CELF4: variants seen among roughly 807,000 people sequenced by gnomAD.
CELF4 encodes CUG-BP- and ETR-3-like factor 4.
Under a neutral mutation model 59.9 loss-of-function variants are expected in CELF4, and 18 were observed. That is an observed-to-expected ratio of 0.30 (90% CI 0.21 to 0.45). CELF4 has a LOEUF of 0.45. Ranked by LOEUF, CELF4 falls within the 20% of genes least tolerant of loss-of-function variation. CELF4 has a pLI of 1.00. For missense variants in CELF4, 456 were observed against 689.0 expected (o/e 0.66, Z 3.79); for synonymous variants, 261 against 267.1 (o/e 0.98, Z 0.22).
chr18:37,497,010 G>C (rs1186461363), intron 1 of CELF4, among the ~76,000 whole-genome samples: 1 of 152,182 alleles, frequency 6.6e-6, no homozygotes, highest in Non-Finnish European at 1.5e-5. Context: ...AAGGGCTAGA[G>C]CTATTCCAAG....
intron 3 of CELF4, among the ~76,000 whole-genome samples, chr18:37,304,820 C>T (rs1390039221): frequency 2.6e-5 from 4 of 152,218 alleles, no homozygotes; most frequent in African/African-American, 9.6e-5. Flanking sequence ...TTCCATCAGC[C>T]CTGGGGTGGC....
chr18:37,298,618 C>G (rs4494625), intron 3 of CELF4, among the ~76,000 whole-genome samples: 82,828 of 151,592 alleles, frequency 0.55, 24,642 homozygotes, highest in African/African-American at 0.79. Flanking sequence ...CCAGCTACTC[C>G]GGAGGCTGAG....
intron 2 of CELF4, among the ~76,000 whole-genome samples, chr18:37,372,489 G>A (rs1158847576): frequency 1.3e-5 from 2 of 152,146 alleles, no homozygotes; most frequent in Admixed American, 6.5e-5. Context: ...CGTGGGATGG[G>A]GTGGAGGCGG....
At chr18:37,303,618 G>A (rs552862737) in intron 3 of CELF4, among the ~76,000 whole-genome samples, 12 of 152,118 alleles carry the variant, frequency 7.9e-5, no homozygotes, top group South Asian at 2.1e-4. Flanking sequence ...GAGGCAACAC[G>A]TCCTCCTTTT....
chr18:37,385,486 C>T (rs543552714), intron 2 of CELF4, among the ~76,000 whole-genome samples: 1 of 152,250 alleles, frequency 6.6e-6, no homozygotes, highest in Admixed American at 6.5e-5. Flanking sequence ...TAGTTTCTCC[C>T]CATCTTAGCT....
chr18:37,255,851 G>C (rs893736555), intron 11 of CELF4, among the ~76,000 whole-genome samples: 2 of 152,184 alleles, frequency 1.3e-5, no homozygotes. Context: ...AAGGGCTGGA[G>C]GAGCTGTCTA....
chr18:37,402,207 G>A (rs975279579), intron 2 of CELF4, among the ~76,000 whole-genome samples: 3 of 152,222 alleles, frequency 2.0e-5, no homozygotes, highest in Non-Finnish European at 4.4e-5. Context: ...GGATGAGCAG[G>A]GAGGCTGCTG....
Position 37,253,907 on chromosome 18 carries a change from C to A in CELF4, c.1365G>T (p.Ala455=), listed in dbSNP as rs1430685672. ...GFVSFDNPAS[A]QTAIQAMNGF... is the part of the protein sequence containing the mutation. ...CGTTCATGGCCTGGATGGCGGTCTG[C>A]GCGCTGGCCGGGTTGTCGAAGCTCA... is the stretch of plus-strand genomic sequence containing the variant. The change falls in exon 12 of 13, where the codon GCG becomes GCT. Residue 455 remains alanine, a synonymous_variant. Transcript: ENST00000420428. This position sits in a 1 kb window ranked among gnomAD's most constrained non-coding sequence, Gnocchi z 4.5. 3.7e-6 allele frequency: 6 copies of A among 1,607,312 alleles called. No homozygotes were observed. The highest frequency in any genetic ancestry group is 5.1e-6 in the Non-Finnish European group (6 of 1,177,218).
In CELF4 at chr18:37,505,502, G is replaced by A. The variant is rs974539247; in HGVS notation, c.287-19895C>T. Among the ~76,000 whole-genome samples the A allele has an allele frequency of 3.3e-5, 5 of 152,226 alleles. No homozygotes were observed. The East Asian group carries it at 9.7e-4, about 30-fold the overall frequency. ...CAGGCACAGTGGGCTTTTGGGAGCC[G>A]AAACGTCGGTGGGTCAGGGCCAGGT... On this transcript the variant is annotated intron_variant, in intron 1 of 12. Coordinates refer to ENST00000420428, the MANE Select transcript of CELF4 (RefSeq NM_020180.4).
At chr18:37,419,823 C>T (rs768088324) in intron 2 of CELF4, among the ~76,000 whole-genome samples, 2 of 152,230 alleles carry the variant, frequency 1.3e-5, no homozygotes, top group African/African-American at 2.4e-5. Flanking sequence ...GGGTTAACAG[C>T]CCATCTGCTC....
At chr18:37,336,177 A>G (rs2097764923) in intron 2 of CELF4, among the ~76,000 whole-genome samples, 1 of 152,176 alleles carries the variant, frequency 6.6e-6, no homozygotes, top group Non-Finnish European at 1.5e-5. Flanking sequence ...GAGGGCTCAC[A>G]GCCAGAATGC....
At chr18:37,485,687 G>A in intron 1 of CELF4, 80 bp from the exon 2 acceptor site, 1 of 895,642 alleles carries the variant, frequency 1.1e-6, no homozygotes, top group Non-Finnish European at 1.5e-6. Flanking sequence ...CCGCCCTCCA[G>A]GCTCCCGCCC....
At chr18:37,503,274 C>G (rs1038184126) in intron 1 of CELF4, among the ~76,000 whole-genome samples, 1 of 152,256 alleles carries the variant, frequency 6.6e-6, no homozygotes, top group Non-Finnish European at 1.5e-5. Context: ...CGCTCAGCCC[C>G]TGTTCCAGGA....
intron 2 of CELF4, among the ~76,000 whole-genome samples, chr18:37,329,899 C>T (rs1034247288): frequency 6.6e-6 from 1 of 152,148 alleles, no homozygotes; most frequent in Non-Finnish European, 1.5e-5. Context: ...TTTCTGGGTC[C>T]CCATCTTCAT....
chr18:37,527,883 A>G (rs1269283536), intron 1 of CELF4, among the ~76,000 whole-genome samples: 1 of 152,166 alleles, frequency 6.6e-6, no homozygotes, highest in Non-Finnish European at 1.5e-5. Context: ...AGGCTGTCCC[A>G]AGTTGCTCCT....
rs200868719 is a variant in CELF4, at chr18:37,274,330, T to C, written c.782A>G (p.Tyr261Cys). 43 of 1,612,864 alleles carry C rather than the reference T, an allele frequency of 2.7e-5. No homozygotes were observed. Among genetic ancestry groups the C allele is most frequent in the Non-Finnish European group, 3.4e-5 (40 of 1,179,712 alleles). ...ACTTACTGCCTGAGCGTAGGCGCCG[T>C]AGGCCCCGAAAGGGATGGCCATGGG... ...FNPMAIPFGA[Y>C]GAYAQALMQQ... The change falls in exon 6 of 13, where the codon TAC becomes TGC. Residue 261 changes from tyrosine (Y) to cysteine (C), a missense_variant. By Grantham distance (194) the Tyr-to-Cys change is radical. Coordinates refer to ENST00000420428, the MANE Select transcript of CELF4 (RefSeq NM_020180.4).
intron 2 of CELF4, among the ~76,000 whole-genome samples, chr18:37,374,903 C>T (rs914919544): frequency 2.6e-5 from 4 of 152,156 alleles, no homozygotes; most frequent in African/African-American, 9.7e-5. Flanking sequence ...TAGTTCAGGG[C>T]CAATACTGGG....
intron 1 of CELF4, among the ~76,000 whole-genome samples, chr18:37,557,235 GCA>G (rs768516401): frequency 1.3e-5 from 2 of 152,164 alleles, no homozygotes; most frequent in African/African-American, 4.8e-5. Flanking sequence ...ATATGTGCAT[GCA>G]CACACACCCC....
intron 11 of CELF4, among the ~76,000 whole-genome samples, chr18:37,255,107 C>T (rs1465466862): frequency 6.6e-6 from 1 of 152,102 alleles, no homozygotes; most frequent in Non-Finnish European, 1.5e-5. Context: ...GACTTAGATC[C>T]TGCAAAATAT....
Sources: allele counts gnomAD v4.1 joint callset (sites outside exome capture counted in the v4.1 genomes callset), GRCh38; gene constraint gnomAD v4.1.1; non-coding constraint Gnocchi (gnomAD v3.1); transcripts MANE v1.5; gene names NCBI Gene and HGNC (gene_info 2026-07-23, HGNC 2026-07-21).